The following SENP5 variants were observed in gnomAD, a reference collection of about 807,000 sequenced individuals.
SENP5 encodes the protein SUMO specific peptidase 5.
Under a neutral mutation model 74.2 loss-of-function variants are expected in SENP5, and 21 were observed. The observed-to-expected ratio is 0.28, with a 90% CI of 0.20 to 0.41. The LOEUF is 0.41. SENP5 is among the 10% of genes least tolerant of loss of function. The pLI is 1.00. For synonymous variants in SENP5, 311 were observed against 312.7 expected, an observed-to-expected ratio of 0.99 and a Z score of 0.06; for missense variants, 717 against 889.1, an observed-to-expected ratio of 0.81 and a Z score of 2.46.
chr3:196,920,071 A>G (rs915511820), intron 6 of SENP5, among the ~76,000 whole-genome samples: 1 of 152,214 alleles, frequency 6.6e-6, no homozygotes, highest in Non-Finnish European at 1.5e-5. Context: ...ATTTTCATAT[A>G]AACTTTAAAA....
intron 6 of SENP5, chr3:196,912,971 G>A (rs1431568493): frequency 2.0e-5 from 3 of 152,168 alleles, no homozygotes; most frequent in Admixed American, 2.0e-4. Context: ...AGTTGAAATA[G>A]AATTTAAGGT....
chr3:196,919,793 CA>C (rs577670068), intron 6 of SENP5, among the ~76,000 whole-genome samples: 3,777 of 134,826 alleles, frequency 0.028, 146 homozygotes, highest in African/African-American at 0.093. Context: ...AACTTCATCT[CA>C]AAAAAAAAAA....
Position 196,877,547 on chromosome 3 carries a change from T to G in SENP5, c.-31-7604T>G, listed in dbSNP as rs115218894. Among the ~76,000 whole-genome samples the G allele has an allele frequency of 5.0e-3, 769 of 152,332 alleles. 6 individuals carry two copies. The highest frequency in any genetic ancestry group is 0.027 in the Middle Eastern group (8 of 294). Reference sequence around the variant, plus strand: ...TACATCTTTGTTTTCTCCACTCATTTTTTGCTCTAAATTGATATTTGCACA... The same window carrying G: ...TACATCTTTGTTTTCTCCACTCATTGTTTGCTCTAAATTGATATTTGCACA... On this transcript the variant is annotated intron_variant, in intron 1 of 9. Coordinates refer to ENST00000323460, the MANE Select transcript of SENP5 (RefSeq NM_152699.5).
chr3:196,930,436 G>A (rs1370270945), intron 9 of SENP5, among the ~76,000 whole-genome samples: 1 of 152,174 alleles, frequency 6.6e-6, no homozygotes, highest in Admixed American at 6.5e-5. Context: ...GCTTAAAACA[G>A]TGTATTTTTA....
intron 7 of SENP5, among the ~76,000 whole-genome samples, chr3:196,924,557 G>C (rs1715743275): frequency 6.6e-6 from 1 of 152,130 alleles, no homozygotes; most frequent in Non-Finnish European, 1.5e-5. Flanking sequence ...CATTATGTTA[G>C]AAAAAGTGAT....
chr3:196,886,511 G>A lies in SENP5; in HGVS notation c.1330G>A (p.Glu444Lys). The change falls in exon 2 of 10, where the codon GAG becomes AAG. Residue 444 changes from glutamate (E) to lysine (K), a missense_variant. Around this residue, in one of 4 missense-constraint regions of SENP5, gnomAD observed 567 missense variants for 577.4 expected, o/e 0.98. Coordinates refer to ENST00000323460, the MANE Select transcript of SENP5 (RefSeq NM_152699.5). ...VQNENSYQME[E>K]DGSLKQSILS... is the part of the protein sequence containing the mutation. Reference sequence around the variant, plus strand: ...AAATGAGAACTCATACCAGATGGAGGAGGATGGATCTCTCAAGCAGAGCAT... The same window carrying A: ...AAATGAGAACTCATACCAGATGGAGAAGGATGGATCTCTCAAGCAGAGCAT... 2 of 1,613,406 alleles carry A rather than the reference G, an allele frequency of 1.2e-6. No individual in the cohort carries two copies. Among genetic ancestry groups the A allele is most frequent in the Non-Finnish European group, 1.7e-6 (2 of 1,179,774 alleles).
intron 1 of SENP5, among the ~76,000 whole-genome samples, chr3:196,873,089 T>C (rs1192843288): frequency 2.3e-5 from 2 of 87,382 alleles, no homozygotes; most frequent in Non-Finnish European, 4.6e-5. Context: ...TTTTTTTTTT[T>C]TGGAGACGGA....
At chr3:196,925,452 C>T (rs1242315504) in intron 7 of SENP5, among the ~76,000 whole-genome samples, 4 of 152,212 alleles carry the variant, frequency 2.6e-5, no homozygotes, top group Admixed American at 2.0e-4. Flanking sequence ...TCTATATTGT[C>T]TCTTTCCTAG....
chr3:196,907,656 A>G (rs62410859), intron 6 of SENP5, among the ~76,000 whole-genome samples: 21,780 of 152,168 alleles, frequency 0.14, 2,108 homozygotes, highest in South Asian at 0.34. Flanking sequence ...GGGGTGTCCA[A>G]TCTTTTGGCT....
chr3:196,883,650 T>C (rs1713822545), intron 1 of SENP5, among the ~76,000 whole-genome samples: 1 of 152,064 alleles, frequency 6.6e-6, no homozygotes, highest in South Asian at 2.1e-4. Flanking sequence ...ATATGTTGCC[T>C]CTGCTTCTGA....
chr3:196,880,638 CTTTTTTTTT>C (rs56188124), intron 1 of SENP5, among the ~76,000 whole-genome samples: 1 of 101,964 alleles, frequency 9.8e-6, no homozygotes, highest in Admixed American at 1.2e-4. Context: ...GCCAGTTATT[CTTTTTTTTT>C]TTTTTTTTTT....
At chr3:196,925,188 A>G (rs1715767363) in intron 7 of SENP5, among the ~76,000 whole-genome samples, 1 of 152,008 alleles carries the variant, frequency 6.6e-6, no homozygotes, top group South Asian at 2.1e-4. Flanking sequence ...TACAAGGAGA[A>G]TATTTTCTTG....
Position 196,886,406 on chromosome 3 carries a change from G to T in SENP5, c.1225G>T (p.Asp409Tyr). The change falls in exon 2 of 10, where the codon GAC becomes TAC. Residue 409 changes from aspartate (D) to tyrosine (Y), a missense_variant. By Grantham distance (160) the Asp-to-Tyr change is radical. This residue lies in a region of SENP5 where 567 missense variants were observed against 577.4 expected (regional missense o/e 0.98). Coordinates refer to ENST00000323460, the MANE Select transcript of SENP5 (RefSeq NM_152699.5). Reference sequence around the variant, plus strand: ...AAATCAGACAAGTTCTGTCAGTGATGACAGAGTAAAACTGTCAGTGTCTGG... The same window carrying T: ...AAATCAGACAAGTTCTGTCAGTGATTACAGAGTAAAACTGTCAGTGTCTGG... ...QENQTSSVSD[D>Y]RVKLSVSGAD... The T allele has an allele frequency of 6.2e-7, 1 of 1,612,310 alleles. No homozygotes were observed. Among genetic ancestry groups the T allele is most frequent in the South Asian group, 1.1e-5 (1 of 90,794 alleles).
At position 196,886,624 on chromosome 3, in the gene SENP5, A is replaced by T; in HGVS notation, c.1443A>T (p.Gln481His). The change falls in exon 2 of 10, where the codon CAA becomes CAT. Residue 481 changes from glutamine to histidine, a missense_variant. Coordinates refer to ENST00000323460, the MANE Select transcript of SENP5 (RefSeq NM_152699.5). The stretch of plus-strand genomic sequence containing the variant: ...GCAGTGGACTCAAACTAGAAAATCA[A>T]GTAGGAGGTGGAAAGAACAGTCAGA... Reference protein sequence around the residue: ...LVCSGLKLENQVGGGKNSQKA... With the variant: ...LVCSGLKLENHVGGGKNSQKA... 2 of 1,609,724 alleles carry T rather than the reference A, an allele frequency of 1.2e-6. No individual in the cohort carries two copies. The highest frequency in any genetic ancestry group is 1.7e-6 in the Non-Finnish European group (2 of 1,178,476).
At chr3:196,899,581 G>A (rs1301108431) in intron 2 of SENP5, 85 bp from the exon 3 acceptor site, 1 of 783,640 alleles carries the variant, frequency 1.3e-6, no homozygotes, top group Non-Finnish European at 2.3e-6. Flanking sequence ...GTTAAGTGCT[G>A]TGTATAGGTT....
chr3:196,890,359 T>G (rs986613027), intron 2 of SENP5, among the ~76,000 whole-genome samples: 3 of 152,240 alleles, frequency 2.0e-5, no homozygotes, highest in Non-Finnish European at 4.4e-5. Flanking sequence ...GGCTTGTCTC[T>G]AATATGACTG....
rs773858031 is a variant in SENP5, at chr3:196,931,879, A to G, written c.*956A>G. ...AGGGTATCTGAAACGTAAACATTCAAAACTGAAGGCTGACTGACTTGAGAT... is the reference window on the plus strand; with the variant it reads ...AGGGTATCTGAAACGTAAACATTCAGAACTGAAGGCTGACTGACTTGAGAT... On this transcript the variant is annotated 3_prime_UTR_variant, in exon 10 of 10. Coordinates refer to ENST00000323460, the MANE Select transcript of SENP5 (RefSeq NM_152699.5). 4.4e-6 allele frequency: 2 copies of G among 451,068 alleles called. No individual in the cohort carries two copies. Among genetic ancestry groups the G allele is most frequent in the Non-Finnish European group, 4.4e-6 (1 of 225,012 alleles). The allele number at this position is 451,068 out of a possible 1,614,324, so 27.9% of individuals were successfully genotyped here. A position where few individuals can be genotyped will look rare whatever the true frequency, so the allele number is the denominator to read the frequency against.
At chr3:196,910,906 A>G (rs1577833491) in intron 6 of SENP5, among the ~76,000 whole-genome samples, 1 of 152,322 alleles carries the variant, frequency 6.6e-6, no homozygotes. Flanking sequence ...CAGAGACCTC[A>G]GAAATAACAC....
rs1560161130 is a variant in SENP5, at chr3:196,923,499, G to A, written c.1970G>A (p.Arg657Gln). ...CTCATTACTGTGACACTCTCTAATCGAATTATTTCATTTTATGATTCCCAA... is the reference window on the plus strand; with the variant it reads ...CTCATTACTGTGACACTCTCTAATCAAATTATTTCATTTTATGATTCCCAA... ...WSLITVTLSNRIISFYDSQGI... is the reference protein window; with the variant it reads ...WSLITVTLSNQIISFYDSQGI... Residue 657 changes from arginine (R) to glutamine (Q), a missense_variant, in exon 7 of 10, where the codon CGA (arginine) becomes CAA (glutamine). By Grantham distance (43) the Arg-to-Gln change is conservative. Transcript: ENST00000323460. The A allele has an allele frequency of 1.2e-6, 2 of 1,610,540 alleles. No homozygotes were observed. The highest frequency in any genetic ancestry group is 8.5e-7 in the Non-Finnish European group (1 of 1,177,330).
Sources: gnomAD v4.1 joint callset for allele counts (sites outside exome capture counted in the v4.1 genomes callset) on GRCh38, gnomAD v4.1.1 for gene constraint, gnomAD v4.1.1 regional missense constraint, MANE v1.5 for transcripts, NCBI Gene and HGNC (gene_info 2026-07-23, HGNC 2026-07-21) for gene names.